The following AMPH variants were observed in gnomAD, a reference collection of about 807,000 sequenced individuals.
AMPH encodes amphiphysin.
In AMPH, 49 loss-of-function variants were observed where a neutral mutation model predicts 99.1. The ratio of observed to expected loss-of-function variants is 0.49; its 90% CI spans 0.39 to 0.63. The LOEUF is 0.63. Among genes scored for constraint, AMPH ranks in the 20% least tolerant of loss-of-function variants. The pLI, the probability that AMPH is intolerant of heterozygous loss-of-function variation, is 0.00. For synonymous variants in AMPH, 314 were observed against 317.3 expected, an observed-to-expected ratio of 0.99 and a Z score of 0.11; for missense variants, 759 against 863.4, an observed-to-expected ratio of 0.88 and a Z score of 1.52.
rs1554336209 is a variant in AMPH at position 38,437,639 on chromosome 7, A to AAAGAAAAGAAAAG, written c.1018-1252_1018-1251insCTTTTCTTTTCTT. On this transcript the variant is annotated intron_variant, in intron 11 of 20. Coordinates refer to ENST00000356264, the MANE Select transcript of AMPH (RefSeq NM_001635.4). ...TACTAAAAATACAAAAAAAAAAAAA[A>AAAGAAAAGAAAAG]AAAAGAAAAGAAAAATTAGTTGGGC... is the stretch of plus-strand genomic sequence containing the variant. Among the ~76,000 whole-genome samples, 131 of 96,728 alleles carry AAAGAAAAGAAAAG rather than the reference A, an allele frequency of 1.4e-3. 2 individuals are homozygous for AAAGAAAAGAAAAG. The Middle Eastern group carries it at 0.023, about 17-fold the overall frequency. 63.5% of individuals were successfully genotyped at this position (96,728 alleles called of 152,430 possible).
intron 1 of AMPH, among the ~76,000 whole-genome samples, chr7:38,580,658 GGATGAT>G (rs60977723): frequency 0.034 from 5,148 of 149,438 alleles, 139 homozygotes; most frequent in East Asian, 0.083. Flanking sequence ...AAGAGATATG[GGATGAT>G]GATGATGATG....
intron 1 of AMPH, among the ~76,000 whole-genome samples, chr7:38,588,078 A>C (rs373481991): frequency 2.6e-4 from 39 of 151,952 alleles, no homozygotes; most frequent in African/African-American, 8.4e-4. Context: ...CTGCCTCCCA[A>C]GTAGGTGGAC....
At chr7:38,470,974 A>G (rs1292616929) in intron 7 of AMPH, among the ~76,000 whole-genome samples, 1 of 152,062 alleles carries the variant, frequency 6.6e-6, no homozygotes, top group African/African-American at 2.4e-5. Flanking sequence ...CTTATTTTTC[A>G]TTTCTTTTAA....
chr7:38,594,906 T>A (rs1275014766), intron 1 of AMPH, among the ~76,000 whole-genome samples: 1 of 152,100 alleles, frequency 6.6e-6, no homozygotes, highest in African/African-American at 2.4e-5. Context: ...TAAAGAAATC[T>A]AAGGCAGAGA....
At chr7:38,503,760 T>C (rs887200663) in intron 2 of AMPH, 56 bp from the exon 3 acceptor site, 5 of 1,563,560 alleles carry the variant, frequency 3.2e-6, no homozygotes, top group Middle Eastern at 1.7e-4. Context: ...CATGAAAACA[T>C]GTAAGAAGTG....
chr7:38,415,897 T>C (rs998811463), intron 17 of AMPH, among the ~76,000 whole-genome samples: 30 of 151,842 alleles, frequency 2.0e-4, no homozygotes, highest in Non-Finnish European at 2.9e-4. Context: ...AATTGCCTTA[T>C]ATTTTACAAG....
intron 2 of AMPH, among the ~76,000 whole-genome samples, chr7:38,511,237 G>A (rs746784088): frequency 3.9e-5 from 6 of 152,156 alleles, no homozygotes; most frequent in Non-Finnish European, 8.8e-5. Flanking sequence ...TATGCAAAGG[G>A]TAGGTGTTTC....
intron 1 of AMPH, among the ~76,000 whole-genome samples, chr7:38,581,227 A>G (rs1270404450): frequency 6.6e-6 from 1 of 152,208 alleles, no homozygotes; most frequent in Non-Finnish European, 1.5e-5. Context: ...AGTGCCAGGG[A>G]GAAAAATAAA....
intron 5 of AMPH, among the ~76,000 whole-genome samples, chr7:38,489,092 T>G (rs1788622089): frequency 6.6e-6 from 1 of 152,302 alleles, no homozygotes; most frequent in East Asian, 1.9e-4. Flanking sequence ...TATTTCAAAA[T>G]TTGTTACAAA....
chr7:38,433,724 C>CAA (rs570503359), intron 12 of AMPH, among the ~76,000 whole-genome samples: 22 of 53,182 alleles, frequency 4.1e-4, no homozygotes, highest in East Asian at 7.4e-4. Context: ...GACTCCGTCT[C>CAA]AAAAAAAAAA....
At chr7:38,493,450 G>A (rs2129021197) in intron 4 of AMPH, among the ~76,000 whole-genome samples, 1 of 152,234 alleles carries the variant, frequency 6.6e-6, no homozygotes, top group East Asian at 1.9e-4. Context: ...CTTATTAGTA[G>A]ATACATTTTT....
intron 15 of AMPH, 116 bp from the exon 16 acceptor site, chr7:38,422,593 TCTATCTA>T (rs766775439): frequency 1.3e-6 from 1 of 799,950 alleles, no homozygotes; most frequent in Non-Finnish European, 2.0e-6. Context: ...TATCTATCTA[TCTATCTA>T]TCCATCTATC....
At chr7:38,574,082 C>G (rs1792144994) in intron 1 of AMPH, among the ~76,000 whole-genome samples, 2 of 152,174 alleles carry the variant, frequency 1.3e-5, no homozygotes. Context: ...AAGTATAAGG[C>G]AAAGGTGTAA....
In AMPH at chr7:38,408,102, A is replaced by C. The variant is rs1785103844; in HGVS notation, c.1398+9723T>G. ...AAGTAACTCACCTAGTCAGTAAACAAGGACTGAAACAGTTTGTCTAACTCT... is the reference window on the plus strand; with the variant it reads ...AAGTAACTCACCTAGTCAGTAAACACGGACTGAAACAGTTTGTCTAACTCT... On this transcript the variant is annotated intron_variant, in intron 17 of 20. Coordinates refer to ENST00000356264, the MANE Select transcript of AMPH (RefSeq NM_001635.4). Among the ~76,000 whole-genome samples, 2 of 152,264 alleles carry C rather than the reference A, an allele frequency of 1.3e-5. 1 individual carries two copies. Among genetic ancestry groups the C allele is most frequent in the South Asian group, 4.1e-4 (2 of 4,834 alleles).
intron 5 of AMPH, among the ~76,000 whole-genome samples, chr7:38,483,453 G>A (rs1788370305): frequency 1.3e-5 from 2 of 152,170 alleles, no homozygotes; most frequent in East Asian, 1.9e-4. Flanking sequence ...TATCTATGCA[G>A]GGAAAGAGTT....
At chr7:38,432,078 A>G in intron 13 of AMPH, 111 bp downstream of exon 13, 1 of 959,710 alleles carries the variant, frequency 1.0e-6, no homozygotes. Context: ...GGACTATATC[A>G]TCATTAAATG....
chr7:38,403,137 G>A (rs1259899437), intron 17 of AMPH, among the ~76,000 whole-genome samples: 1 of 152,104 alleles, frequency 6.6e-6, no homozygotes, highest in Non-Finnish European at 1.5e-5. Flanking sequence ...ACAGACGAGT[G>A]GCCATGATCT....
intron 16 of AMPH, among the ~76,000 whole-genome samples, chr7:38,420,667 A>G (rs1371239185): frequency 6.6e-6 from 1 of 151,586 alleles, no homozygotes; most frequent in Non-Finnish European, 1.5e-5. Context: ...ATACAGAGGA[A>G]GAGGAGATGG....
intron 5 of AMPH, among the ~76,000 whole-genome samples, chr7:38,477,333 G>A (rs1358855829): frequency 6.6e-6 from 1 of 152,146 alleles, no homozygotes; most frequent in East Asian, 1.9e-4. Flanking sequence ...TCTGAAGATA[G>A]TGGGAAACTA....
Sources: gnomAD v4.1 joint callset for allele counts (sites outside exome capture counted in the v4.1 genomes callset) on GRCh38, gnomAD v4.1.1 for gene constraint, MANE v1.5 for transcripts, NCBI Gene and HGNC (gene_info 2026-07-23, HGNC 2026-07-21) for gene names.